The following GLIS3 variants were observed in gnomAD, a reference collection of about 807,000 sequenced individuals.
GLIS3 encodes the protein zinc finger protein GLIS3.
GLIS3 carries 53 observed loss-of-function variants against 78.6 expected under a neutral mutation model. The ratio of observed to expected loss-of-function variants is 0.67; its 90% CI spans 0.54 to 0.85. The LOEUF (loss-of-function observed/expected upper bound fraction) is 0.85. Ranked by LOEUF, GLIS3 falls within the 40% of genes least tolerant of loss-of-function variation. The probability of loss-of-function intolerance (pLI) is 0.00; values close to 1 mark genes in which losing one functional copy is unlikely to be tolerated. For missense variants in GLIS3, 1,703 were observed against 1,231.1 expected (o/e 1.38, Z -5.74); for synonymous variants, 684 against 509.9 (o/e 1.34, Z -4.60).
intron 2 of GLIS3, among the ~76,000 whole-genome samples, chr9:4,342,047 T>C (rs1167175327): frequency 6.6e-6 from 1 of 152,230 alleles, no homozygotes. Context: ...ATTCTGTAGT[T>C]TGTCTGTTTA....
chr9:4,376,988 C>T, the GLIS3 span, among the ~76,000 whole-genome samples: 3 of 135,428 alleles, frequency 2.2e-5, no homozygotes, highest in Non-Finnish European at 5.0e-5. Context: ...TGCCTCCCAG[C>T]CCCACCACTT....
chr9:4,392,346 C>T, the GLIS3 span, among the ~76,000 whole-genome samples: 6 of 152,092 alleles, frequency 3.9e-5, no homozygotes, highest in East Asian at 1.9e-4. Context: ...CCATGGCACA[C>T]GTTTGCCTAT....
intron 2 of GLIS3, among the ~76,000 whole-genome samples, chr9:4,281,777 G>C (rs10119541): frequency 6.6e-6 from 1 of 152,110 alleles, no homozygotes; most frequent in African/African-American, 2.4e-5. Flanking sequence ...TCAAAGATAT[G>C]ATGTCACCAA....
intron 4 of GLIS3, among the ~76,000 whole-genome samples, chr9:3,952,263 G>C (rs2130847731): frequency 6.6e-6 from 1 of 152,202 alleles, no homozygotes; most frequent in East Asian, 1.9e-4. Context: ...CACTGACACA[G>C]GTTTACTTCT....
At chr9:4,189,778 T>C (rs1818157481) in intron 2 of GLIS3, among the ~76,000 whole-genome samples, 1 of 152,220 alleles carries the variant, frequency 6.6e-6, no homozygotes, top group Non-Finnish European at 1.5e-5. Context: ...TGATCTTTGC[T>C]GGTTTAAAGT....
chr9:4,187,233 A>C (rs921573918), intron 2 of GLIS3, among the ~76,000 whole-genome samples: 70 of 152,188 alleles, frequency 4.6e-4, no homozygotes, highest in African/African-American at 1.3e-3. Flanking sequence ...GTTTTCCCAA[A>C]ACCATTTATT....
intron 4 of GLIS3, among the ~76,000 whole-genome samples, chr9:4,030,202 G>A (rs1174859485): frequency 1.3e-5 from 2 of 152,146 alleles, no homozygotes; most frequent in African/African-American, 4.8e-5. Flanking sequence ...GATCAGTGAT[G>A]TTGAGCACCT....
At position 4,053,705 on chromosome 9, in the gene GLIS3, T is replaced by TAAAAAAAAAAAAAAAAAAAAA. The variant is rs760535978; in HGVS notation, c.1710+64062_1710+64063insTTTTTTTTTTTTTTTTTTTTT. 5.9e-4 allele frequency among the ~76,000 whole-genome samples: 54 copies of TAAAAAAAAAAAAAAAAAAAAA among 91,126 alleles called. 1 individual carries two copies. The highest frequency in any genetic ancestry group is 1.8e-3 in the African/African-American group (51 of 28,060). 59.8% of individuals were successfully genotyped at this position (91,126 alleles called of 152,430 possible). ...AGTGCCTACTTGTTTTCTTTCTTCATAAAAAAAAAAAAAAAAAATTCTGGA... is the reference window on the plus strand; with the variant it reads ...AGTGCCTACTTGTTTTCTTTCTTCATAAAAAAAAAAAAAAAAAAAAAAAAAAAAAAAAAAAAAAATTCTGGA... On this transcript the variant is annotated intron_variant, in intron 4 of 10. Transcript: ENST00000381971.
In GLIS3 at chr9:3,932,346, T is replaced by C; in HGVS notation, c.1983+14A>G. The C allele has an allele frequency of 6.3e-7, 1 of 1,586,190 alleles. No homozygotes were observed. Among genetic ancestry groups the C allele is most frequent in the Non-Finnish European group, 8.7e-7 (1 of 1,154,956 alleles). On this transcript the variant is annotated intron_variant, in intron 6 of 10. Transcript: ENST00000381971. The stretch of plus-strand genomic sequence containing the variant: ...CATGCTTTTCCCGACTGGAAGATTC[T>C]CTTTTAAAATTACCTTTTTCCTTGC...
At chr9:4,005,627 G>A (rs1391604415) in intron 4 of GLIS3, among the ~76,000 whole-genome samples, 1 of 152,168 alleles carries the variant, frequency 6.6e-6, no homozygotes, top group Admixed American at 6.6e-5. Flanking sequence ...TTAATTGTAC[G>A]TGTAAAGGAC....
intron 4 of GLIS3, among the ~76,000 whole-genome samples, chr9:4,050,323 T>C (rs563398476): frequency 1.8e-3 from 274 of 152,204 alleles, no homozygotes; most frequent in Non-Finnish European, 3.1e-3. Context: ...TGGAAACCAT[T>C]ATTCTCAGTA....
chr9:4,377,562 T>A, the GLIS3 span, among the ~76,000 whole-genome samples: 1 of 141,256 alleles, frequency 7.1e-6, no homozygotes, highest in Admixed American at 7.1e-5. Flanking sequence ...TATACATATA[T>A]CCTGCTAGTT....
chr9:4,178,354 A>G (rs1057303250), intron 2 of GLIS3, among the ~76,000 whole-genome samples: 9 of 152,196 alleles, frequency 5.9e-5, no homozygotes, highest in Non-Finnish European at 1.0e-4. Flanking sequence ...AAGAGGTTGG[A>G]CAGGAGATCA....
intron 2 of GLIS3, among the ~76,000 whole-genome samples, chr9:4,135,482 G>C (rs918877126): frequency 6.6e-6 from 1 of 151,962 alleles, no homozygotes; most frequent in African/African-American, 2.4e-5. Flanking sequence ...AGAAGTCATC[G>C]AACTATGACT....
chr9:4,168,906 T>C (rs1353786458), intron 2 of GLIS3, among the ~76,000 whole-genome samples: 1 of 152,218 alleles, frequency 6.6e-6, no homozygotes, highest in East Asian at 1.9e-4. Flanking sequence ...AACTGTTAGA[T>C]AACGAGAAAA....
chr9:4,163,442 A>C (rs1835659886), intron 2 of GLIS3, among the ~76,000 whole-genome samples: 1 of 152,250 alleles, frequency 6.6e-6, no homozygotes, highest in Non-Finnish European at 1.5e-5. Context: ...TTTGTCCAAG[A>C]TCATGGGAAT....
chr9:4,140,131 C>A (rs530990391), intron 2 of GLIS3, among the ~76,000 whole-genome samples: 2 of 152,286 alleles, frequency 1.3e-5, no homozygotes, highest in African/African-American at 4.8e-5. Context: ...TGAGACCAGC[C>A]TGGACAACAT....
the GLIS3 span, among the ~76,000 whole-genome samples, chr9:4,434,587 G>T: frequency 6.6e-6 from 1 of 152,172 alleles, no homozygotes; most frequent in Non-Finnish European, 1.5e-5. Flanking sequence ...GGGGGTGATA[G>T]GTGGGTGAGT....
chr9:4,267,806 C>G (rs1313683497), intron 2 of GLIS3, among the ~76,000 whole-genome samples: 1 of 152,128 alleles, frequency 6.6e-6, no homozygotes. Context: ...AAGTTAGTGC[C>G]AAGAATGAGT....
Sources: allele counts gnomAD v4.1 joint callset (sites outside exome capture counted in the v4.1 genomes callset), GRCh38; gene constraint gnomAD v4.1.1; transcripts MANE v1.5; gene names NCBI Gene and HGNC (gene_info 2026-07-23, HGNC 2026-07-21).